Variants in C2orf81 observed in about 807,000 individuals in gnomAD.
C2orf81 encodes the protein uncharacterized protein C2orf81.
Under a neutral mutation model 7.9 loss-of-function variants are expected in C2orf81, and 5 were observed. The ratio of observed to expected loss-of-function variants is 0.63; its 90% CI spans 0.33 to 1.33. The LOEUF (loss-of-function observed/expected upper bound fraction) is 1.33. Among genes scored for constraint, C2orf81 ranks in the 40% most tolerant of loss-of-function variants. The pLI is 0.05. For missense variants in C2orf81, 781 were observed against 830.4 expected, an observed-to-expected ratio of 0.94 and a Z score of 0.73; for synonymous variants, 346 against 367.4, an observed-to-expected ratio of 0.94 and a Z score of 0.66.
intron 1 of C2orf81, among the ~76,000 whole-genome samples, chr2:74,419,485 C>T (rs994802009): frequency 6.6e-6 from 1 of 152,164 alleles, no homozygotes; most frequent in Non-Finnish European, 1.5e-5. Flanking sequence ...ATTTTAAAAA[C>T]AAGAATACTC....
intron 1 of C2orf81, among the ~76,000 whole-genome samples, chr2:74,418,947 G>A (rs1466000023): frequency 2.6e-5 from 4 of 151,976 alleles, no homozygotes; most frequent in African/African-American, 9.7e-5. Context: ...TTGGGAGGCC[G>A]AGGTGGGTGG....
intron 1 of C2orf81, among the ~76,000 whole-genome samples, chr2:74,418,700 A>T (rs1573215684): frequency 1.4e-5 from 2 of 146,072 alleles, no homozygotes; most frequent in Non-Finnish European, 1.5e-5. Context: ...AGTTCTCTAC[A>T]TTTTTTTTTT....
At chr2:74,417,276 G>T in intron 1 of C2orf81, 1 of 824,558 alleles carries the variant, frequency 1.2e-6, no homozygotes, top group Non-Finnish European at 1.7e-6. Context: ...TGTTATTGGT[G>T]CCCCATCTGA....
In C2orf81 at chr2:74,418,276, C is replaced by T; in HGVS notation, c.19-2035G>A. 1.9e-6 allele frequency: 3 copies of T among 1,607,208 alleles called. No individual in the cohort carries two copies. The South Asian group carries it at 3.3e-5, about 18-fold the overall frequency. On this transcript the variant is annotated intron_variant, in intron 1 of 2. Transcript: ENST00000684111. ...GCTTCCCTTTGGTCGGCCCCGAGGT[C>T]TCTTAGGTGTTGGCACTTCGCTGAG...
intron 1 of C2orf81, chr2:74,416,644 T>C: frequency 6.2e-6 from 1 of 162,260 alleles, no homozygotes; most frequent in East Asian, 1.8e-4. Context: ...TTAACCAGCC[T>C]TGCTTAGGAG....
At chr2:74,416,539 C>A (rs1676472185) in intron 1 of C2orf81, 1 of 161,682 alleles carries the variant, frequency 6.2e-6, no homozygotes. Context: ...TGCACCCCAG[C>A]CTGGCGACAG....
At chr2:74,418,058 A>AGGGGTGGGGGGTGG (rs1318358135) in intron 1 of C2orf81, 5 of 372,784 alleles carry the variant, frequency 1.3e-5, no homozygotes, top group African/African-American at 6.0e-5. Context: ...GGTGTAGGGA[A>AGGGGTGGGGGGTGG]GGGGTGGGGG....
At position 74,415,092 on chromosome 2, in the gene C2orf81, G is replaced by C; in HGVS notation, c.1085C>G (p.Ala362Gly). The C allele has an allele frequency of 6.5e-7, 1 of 1,545,800 alleles. No individual in the cohort carries two copies. Among genetic ancestry groups the C allele is most frequent in the Non-Finnish European group, 8.7e-7 (1 of 1,145,128 alleles). The change falls in exon 3 of 3, where the codon GCC (alanine) becomes GGC (glycine). Residue 362 changes from alanine (A) to glycine (G), a missense_variant. Transcript: ENST00000684111. The surrounding 1 kb of genome is among the most constrained non-coding windows in gnomAD (Gnocchi z 5.5). ...RAGHSDVRLS[A>G]HHHRMRRKAA... ...CTTGCGGCGCATCCTGTGGTGGTGG[G>C]CGCTCAGCCGCACATCCGAGTGCCC...
rs1194639224 is a variant in C2orf81 at position 74,416,110 on chromosome 2, A to G, written c.150T>C (p.Leu50=). ...CGTCCTCGCCCTCCTCGAGGGCTGT[A>G]AGCGCCATCCACTCGGCCTCACTGA... The part of the protein sequence containing the change: ...GRLSEAEWMA[L]TALEEGEDVV... Residue 50 remains leucine, a synonymous_variant, in exon 2 of 3, where the codon CTT becomes CTC. Coordinates refer to ENST00000684111, the MANE Select transcript of C2orf81 (RefSeq NM_001316764.3). The G allele has an allele frequency of 1.3e-6, 2 of 1,538,400 alleles. No homozygotes were observed. The highest frequency in any genetic ancestry group is 2.0e-5 in the Admixed American group (1 of 50,558).
intron 1 of C2orf81, chr2:74,417,322 G>A (rs757027965): frequency 5.4e-6 from 7 of 1,288,802 alleles, no homozygotes; most frequent in Non-Finnish European, 7.2e-6. Flanking sequence ...AAGCAAAGTA[G>A]GGTTGGGGGA....
Position 74,414,910 on chromosome 2 carries a change from G to A in C2orf81, c.1267C>T (p.Leu423Phe), listed in dbSNP as rs1322590504. The A allele has an allele frequency of 1.3e-6, 2 of 1,544,738 alleles. No homozygotes were observed. Among genetic ancestry groups the A allele is most frequent in the African/African-American group, 1.4e-5 (1 of 72,930 alleles). The change falls in exon 3 of 3, where the codon CTC becomes TTC. Residue 423 changes from leucine (L) to phenylalanine (F), a missense_variant. Coordinates refer to ENST00000684111, the MANE Select transcript of C2orf81 (RefSeq NM_001316764.3). This position sits in a 1 kb window ranked among gnomAD's most constrained non-coding sequence, Gnocchi z 5.3. ...KTKARAEPQA[L>F]GPGTRVSPAA... is the part of the protein sequence containing the mutation. ...GGGGAGACACGGGTGCCGGGGCCGAGGGCTTGGGGTTCGGCCCGGGCCTTG... is the reference window on the plus strand; with the variant it reads ...GGGGAGACACGGGTGCCGGGGCCGAAGGCTTGGGGTTCGGCCCGGGCCTTG...
rs1676445457 is a variant in C2orf81, at chr2:74,415,728, A to G, written c.449T>C (p.Leu150Pro). The change falls in exon 3 of 3, where the codon CTG becomes CCG. Residue 150 changes from leucine to proline, a missense_variant. By Grantham distance (98) the Leu-to-Pro change is moderately conservative. Transcript: ENST00000684111. This position sits in a 1 kb window ranked among gnomAD's most constrained non-coding sequence, Gnocchi z 5.5. Reference sequence around the variant, plus strand: ...GTGTACTTCGCCTTGGAAGTTCTCCAGGCCCTCCGAGGTGGACGCGTGCAG... The same window carrying G: ...GTGTACTTCGCCTTGGAAGTTCTCCGGGCCCTCCGAGGTGGACGCGTGCAG... Reference protein sequence around the residue: ...PVLHASTSEGLENFQGEVHSS... With the variant: ...PVLHASTSEGPENFQGEVHSS... 1 of 1,551,452 alleles carries G rather than the reference A, an allele frequency of 6.4e-7. No homozygotes were observed. Among genetic ancestry groups the G allele is most frequent in the Non-Finnish European group, 8.7e-7 (1 of 1,147,002 alleles).
At chr2:74,419,522 C>T (rs1019512723) in intron 1 of C2orf81, among the ~76,000 whole-genome samples, 4 of 152,140 alleles carry the variant, frequency 2.6e-5, no homozygotes, top group African/African-American at 7.2e-5. Context: ...TAGTGTGATA[C>T]CATGCTGCAA....
chr2:74,415,032 G>T lies in C2orf81; in HGVS notation c.1145C>A (p.Pro382Gln). 1.9e-6 allele frequency: 3 copies of T among 1,548,652 alleles called. No homozygotes were observed. Among genetic ancestry groups the T allele is most frequent in the Non-Finnish European group, 1.7e-6 (2 of 1,145,976 alleles). The part of the protein sequence containing the change: ...AVKRLDPARL[P>Q]CHWVRPLAEV... ...AGCCAGAGGGCGCACCCAGTGGCACGGGAGCCTCGCAGGGTCCAGGCGTTT... is the reference window on the plus strand; with the variant it reads ...AGCCAGAGGGCGCACCCAGTGGCACTGGAGCCTCGCAGGGTCCAGGCGTTT... Residue 382 changes from proline to glutamine, a missense_variant, in exon 3 of 3, where the codon CCG becomes CAG. Physicochemically the swap from Pro to Gln is moderately conservative, Grantham distance 76. Transcript: ENST00000684111. This position sits in a 1 kb window ranked among gnomAD's most constrained non-coding sequence, Gnocchi z 5.5.
Position 74,415,990 on chromosome 2 carries a change from AG to A in C2orf81, c.249+20del. 2 of 1,549,600 alleles carry A rather than the reference AG, an allele frequency of 1.3e-6. No homozygotes were observed. Among genetic ancestry groups the A allele is most frequent in the Non-Finnish European group, 1.7e-6 (2 of 1,146,214 alleles). On this transcript the variant is annotated intron_variant, in intron 2 of 2. Coordinates refer to ENST00000684111, the MANE Select transcript of C2orf81 (RefSeq NM_001316764.3). The surrounding 1 kb of genome is among the most constrained non-coding windows in gnomAD (Gnocchi z 5.5). ...GGGCGGGAGAGGGAGACGAGTCTGA[AG>A]GACCCGGATCCCGGCCCACCTGCTG...
chr2:74,414,949 G>T lies in C2orf81; in HGVS notation c.1228C>A (p.Arg410=). 1 of 1,546,378 alleles carries T rather than the reference G, an allele frequency of 6.5e-7. No individual in the cohort carries two copies. Residue 410 remains arginine (R), a synonymous_variant, in exon 3 of 3, where the codon CGG becomes AGG. Transcript: ENST00000684111. This position sits in a 1 kb window ranked among gnomAD's most constrained non-coding sequence, Gnocchi z 5.3. ...RPLEAYRGRQ[R]GEKTKARAEP... ...GCCCGGGCCTTGGTCTTCTCGCCCCGCTGGCGTCCGCGGTAGGCTTCCAAG... is the reference window on the plus strand; with the variant it reads ...GCCCGGGCCTTGGTCTTCTCGCCCCTCTGGCGTCCGCGGTAGGCTTCCAAG...
chr2:74,417,529 G>A lies in C2orf81; in HGVS notation c.19-1288C>T, dbSNP rs544464329. 1,338 of 1,147,832 alleles carry A rather than the reference G, an allele frequency of 1.2e-3. 2 individuals are homozygous for A. The highest frequency in any genetic ancestry group is 4.4e-3 in the South Asian group (322 of 73,370). 71.1% of individuals were successfully genotyped at this position (1,147,832 alleles called of 1,614,324 possible). A position where few individuals can be genotyped will look rare whatever the true frequency, so the allele number is the denominator to read the frequency against. ...TAGCCAATGGGGGCTGTCCAACCTA[G>A]TGCAGGGACTAGGGAAGGTGGGGAA... On this transcript the variant is annotated intron_variant, in intron 1 of 2. Transcript: ENST00000684111.
At position 74,414,839 on chromosome 2, in the gene C2orf81, C is replaced by T. The variant is rs1676396411; in HGVS notation, c.1338G>A (p.Leu446=). ...GGAACAGGAGTGCGGGGCCCGAGTC[C>T]AAGTCACGGAAAGGAATGCCTGGCC... ...PLRPGIPFRD[L]DSGPALLFPT... The change falls in exon 3 of 3, where the codon TTG becomes TTA. Residue 446 remains leucine, a synonymous_variant. Transcript: ENST00000684111. The surrounding 1 kb of genome is among the most constrained non-coding windows in gnomAD (Gnocchi z 5.3). The T allele has an allele frequency of 6.4e-7, 1 of 1,551,208 alleles. No individual in the cohort carries two copies. The highest frequency in any genetic ancestry group is 1.2e-5 in the South Asian group (1 of 84,068).
In C2orf81 at chr2:74,421,309, C is replaced by T. The variant is rs76576047; in HGVS notation, c.18+234G>A. 3.4e-4 allele frequency among the ~76,000 whole-genome samples: 52 copies of T among 152,368 alleles called. 1 individual carries two copies. The East Asian group carries it at 9.6e-3, about 28-fold the overall frequency. On this transcript the variant is annotated intron_variant, in intron 1 of 2. Transcript: ENST00000684111. ...CTTCCTGTTCTCGGGCTCTACACCACCCACTGACCCTTTCCCTCATGGCTT... is the reference window on the plus strand; with the variant it reads ...CTTCCTGTTCTCGGGCTCTACACCATCCACTGACCCTTTCCCTCATGGCTT...
Sources: gnomAD v4.1 joint callset for allele counts (sites outside exome capture counted in the v4.1 genomes callset) on GRCh38, gnomAD v4.1.1 for gene constraint, Gnocchi (gnomAD v3.1) non-coding constraint, MANE v1.5 for transcripts, NCBI Gene and HGNC (gene_info 2026-07-23, HGNC 2026-07-21) for gene names.